PRELID2: variants seen among roughly 807,000 people sequenced by gnomAD.
PRELID2 encodes PRELI domain containing 2.
PRELID2 carries 25 observed loss-of-function variants against 28.4 expected under a neutral mutation model. The observed-to-expected ratio is 0.88, with a 90% confidence interval of 0.64 to 1.23. The LOEUF (loss-of-function observed/expected upper bound fraction) is 1.23. PRELID2 is among the 50% of genes most tolerant of loss of function. The pLI is 0.00. For missense variants in PRELID2, 201 were observed against 214.4 expected, an observed-to-expected ratio of 0.94 and a Z score of 0.39; for synonymous variants, 76 against 71.6, an observed-to-expected ratio of 1.06 and a Z score of -0.31.
the PRELID2 span, among the ~76,000 whole-genome samples, chr5:145,322,066 CT>C: frequency 4.6e-5 from 7 of 152,110 alleles, no homozygotes; most frequent in Non-Finnish European, 1.0e-4. Context: ...TTGGCATGCT[CT>C]TTTTCACTCC....
downstream of PRELID2, among the ~76,000 whole-genome samples, chr5:145,753,729 T>A (rs1488903052): frequency 1.3e-5 from 2 of 152,140 alleles, no homozygotes; most frequent in Non-Finnish European, 1.5e-5. Flanking sequence ...CCAGAAAGAA[T>A]CTCTGAGGGT....
At chr5:145,752,404 C>T (rs781763624), downstream of PRELID2, among the ~76,000 whole-genome samples, 2 of 152,264 alleles carry the variant, frequency 1.3e-5, no homozygotes, top group South Asian at 2.1e-4. Context: ...AAAATTGTGG[C>T]CATCTAGTGC....
At chr5:145,314,703 C>T in the PRELID2 span, among the ~76,000 whole-genome samples, 1 of 151,844 alleles carries the variant, frequency 6.6e-6, no homozygotes, top group Non-Finnish European at 1.5e-5. Flanking sequence ...TGTATCATTT[C>T]AAAGTAAGTT....
the PRELID2 span, among the ~76,000 whole-genome samples, chr5:145,415,725 G>T: frequency 1.3e-5 from 2 of 151,612 alleles, no homozygotes; most frequent in Non-Finnish European, 2.9e-5. Context: ...ATTGTGAATA[G>T]TGCCACAATA....
chr5:145,654,541 T>G (rs1249918101), intron 1 of PRELID2, among the ~76,000 whole-genome samples: 3 of 152,166 alleles, frequency 2.0e-5, no homozygotes, highest in Non-Finnish European at 4.4e-5. Context: ...ATCAAAAAGC[T>G]TATCCACCAT....
At chr5:145,685,094 C>T (rs888980877) in intron 1 of PRELID2, among the ~76,000 whole-genome samples, 2 of 152,178 alleles carry the variant, frequency 1.3e-5, no homozygotes, top group African/African-American at 4.8e-5. Flanking sequence ...TCCTGACTGC[C>T]ACTATCCCAA....
At position 145,553,760 on chromosome 5, in the gene PRELID2, A is replaced by G. The variant is rs540405906; in HGVS notation, n.71-80445T>C. ...CAGACATCAAAGGTTTTAAATAGAC[A>G]TGAACAGGTTTGTATTTTAGAAAAA... On this transcript the variant is annotated intron_variant and non_coding_transcript_variant, in intron 1 of 2. Transcript: ENST00000510259. Among the ~76,000 whole-genome samples the G allele has an allele frequency of 2.1e-3, 318 of 152,352 alleles. 1 individual carries two copies. Among genetic ancestry groups the G allele is most frequent in the African/African-American group, 7.2e-3 (299 of 41,584 alleles).
chr5:145,362,555 A>G, the PRELID2 span, among the ~76,000 whole-genome samples: 1 of 152,134 alleles, frequency 6.6e-6, no homozygotes, highest in African/African-American at 2.4e-5. Flanking sequence ...TATAATATGC[A>G]CTAAATAAAT....
the PRELID2 span, among the ~76,000 whole-genome samples, chr5:145,230,590 A>AAAAAG: frequency 3.6e-4 from 55 of 152,296 alleles, 1 homozygote; most frequent in South Asian, 9.5e-3. Context: ...AAAAAATAAA[A>AAAAAG]AAAAGAAAAG....
chr5:145,456,299 C>A, the PRELID2 span, among the ~76,000 whole-genome samples: 2 of 152,210 alleles, frequency 1.3e-5, no homozygotes, highest in African/African-American at 4.8e-5. Flanking sequence ...AGACCAGTAA[C>A]AAAGAATGTG....
At chr5:145,460,370 A>T in the PRELID2 span, among the ~76,000 whole-genome samples, 1 of 152,204 alleles carries the variant, frequency 6.6e-6, no homozygotes, top group Non-Finnish European at 1.5e-5. Flanking sequence ...TAGTGGGTAG[A>T]TTCCAAAATA....
chr5:145,768,362 A>G (rs1436559595), intron 5 of PRELID2, among the ~76,000 whole-genome samples: 2 of 152,230 alleles, frequency 1.3e-5, no homozygotes, highest in Non-Finnish European at 2.9e-5. Flanking sequence ...TCCCTTAACA[A>G]CAGACCCAGT....
At chr5:145,614,299 C>T (rs777654353) in intron 1 of PRELID2, among the ~76,000 whole-genome samples, 6 of 152,236 alleles carry the variant, frequency 3.9e-5, no homozygotes, top group East Asian at 3.9e-4. Context: ...TTTGGCTATG[C>T]GGACTCCTTT....
chr5:145,730,666 C>G (rs1051126420), intron 1 of PRELID2, among the ~76,000 whole-genome samples: 1 of 152,038 alleles, frequency 6.6e-6, no homozygotes, highest in Non-Finnish European at 1.5e-5. Context: ...TTGGACAAGC[C>G]CCTCATTCTA....
At chr5:145,541,527 G>GATTCCATGAATTC (rs1317403682) in intron 1 of PRELID2, among the ~76,000 whole-genome samples, 1 of 152,032 alleles carries the variant, frequency 6.6e-6, no homozygotes, top group Admixed American at 6.6e-5. Flanking sequence ...TCTCACAGAT[G>GATTCCATGAATTC]CAGAATGATT....
chr5:145,552,926 C>T (rs1385156662), intron 1 of PRELID2, among the ~76,000 whole-genome samples: 1 of 152,084 alleles, frequency 6.6e-6, no homozygotes, highest in African/African-American at 2.4e-5. Context: ...TATGTTAATA[C>T]CTGAAATTAG....
intron 1 of PRELID2, among the ~76,000 whole-genome samples, chr5:145,541,358 C>T (rs1311800320): frequency 2.0e-5 from 3 of 151,976 alleles, no homozygotes; most frequent in African/African-American, 7.2e-5. Context: ...AATGTAGGAA[C>T]TTTTACGTCC....
At chr5:145,744,508 C>T (rs1756934829) in intron 1 of PRELID2, among the ~76,000 whole-genome samples, 1 of 151,928 alleles carries the variant, frequency 6.6e-6, no homozygotes, top group African/African-American at 2.4e-5. Flanking sequence ...CAGCACCCAT[C>T]TGTGACATTT....
the PRELID2 span, among the ~76,000 whole-genome samples, chr5:145,426,758 A>G: frequency 6.6e-6 from 1 of 152,196 alleles, no homozygotes; most frequent in Non-Finnish European, 1.5e-5. Flanking sequence ...TGAGATGTGA[A>G]CTCAGATCTG....
Sources: gnomAD v4.1 joint callset for allele counts (sites outside exome capture counted in the v4.1 genomes callset) on GRCh38, gnomAD v4.1.1 for gene constraint, MANE v1.5 for transcripts, NCBI Gene and HGNC (gene_info 2026-07-23, HGNC 2026-07-21) for gene names.